Variants in OCA2 observed in about 807,000 individuals in gnomAD.
OCA2 encodes the protein P protein.
Under a neutral mutation model 100.2 loss-of-function variants are expected in OCA2, and 77 were observed. The observed-to-expected ratio is 0.77, with a 90% CI of 0.64 to 0.93. OCA2 has a LOEUF of 0.93. Ranked by LOEUF, OCA2 falls within the 40% of genes least tolerant of loss-of-function variation. The probability of loss-of-function intolerance (pLI) is 0.00; values close to 1 mark genes in which losing one functional copy is unlikely to be tolerated. For missense variants in OCA2, 1,062 were observed against 1,089.1 expected (o/e 0.98, Z 0.35); for synonymous variants, 432 against 439.2 (o/e 0.98, Z 0.21).
intron 23 of OCA2, among the ~76,000 whole-genome samples, chr15:27,795,640 A>G (rs1024259648): frequency 6.6e-6 from 1 of 152,180 alleles, no homozygotes; most frequent in Admixed American, 6.5e-5. Flanking sequence ...GATCTTTTTG[A>G]AACAATTATC....
chr15:27,815,175 G>A (rs1167565453), intron 23 of OCA2, among the ~76,000 whole-genome samples: 2 of 152,060 alleles, frequency 1.3e-5, no homozygotes, highest in African/African-American at 4.8e-5. Context: ...TAAATGGACG[G>A]GGAGAAGCTT....
chr15:27,747,762 T>C, the OCA2 span, among the ~76,000 whole-genome samples: 1 of 152,006 alleles, frequency 6.6e-6, no homozygotes, highest in Admixed American at 6.5e-5. Flanking sequence ...AAAAAATGAG[T>C]ATTCTCGTTT....
At chr15:27,979,142 T>A (rs1416567866) in intron 14 of OCA2, among the ~76,000 whole-genome samples, 3 of 152,258 alleles carry the variant, frequency 2.0e-5, no homozygotes, top group Admixed American at 6.5e-5. Context: ...TTACATGAGC[T>A]ATCCAGCACT....
chr15:27,914,774 A>G (rs2038600588), intron 19 of OCA2, among the ~76,000 whole-genome samples: 1 of 152,226 alleles, frequency 6.6e-6, no homozygotes, highest in Non-Finnish European at 1.5e-5. Flanking sequence ...TATTATTAAA[A>G]TGGCCATAAT....
At chr15:27,934,783 G>C (rs1043978563) in intron 18 of OCA2, among the ~76,000 whole-genome samples, 6 of 152,172 alleles carry the variant, frequency 3.9e-5, no homozygotes, top group Admixed American at 6.5e-5. Context: ...ACTTCAGAAA[G>C]TTTCCATAGT....
chr15:27,751,877 G>A (rs997260919), downstream of OCA2, among the ~76,000 whole-genome samples: 1 of 152,250 alleles, frequency 6.6e-6, no homozygotes, highest in African/African-American at 2.4e-5. Context: ...AGATCTGACT[G>A]TGGAAAACAG....
intron 23 of OCA2, among the ~76,000 whole-genome samples, chr15:27,803,193 CACG>C (rs113148754): frequency 0.34 from 52,221 of 151,698 alleles, 9,990 homozygotes; most frequent in South Asian, 0.56. Context: ...AAGTTTAAAC[CACG>C]ACGAGACAAA....
At chr15:27,950,876 G>A (rs1474317167) in intron 18 of OCA2, among the ~76,000 whole-genome samples, 1 of 152,084 alleles carries the variant, frequency 6.6e-6, no homozygotes, top group African/African-American at 2.4e-5. Context: ...GTGAACCAAG[G>A]TTTTATACAA....
At chr15:27,766,974 C>T (rs2031311330) in intron 23 of OCA2, among the ~76,000 whole-genome samples, 1 of 152,234 alleles carries the variant, frequency 6.6e-6, no homozygotes, top group African/African-American at 2.4e-5. Context: ...AACCTTACGT[C>T]TCCTTCCCTG....
chr15:28,009,902 T>C (rs2042194590), intron 9 of OCA2, among the ~76,000 whole-genome samples: 1 of 152,010 alleles, frequency 6.6e-6, no homozygotes, highest in African/African-American at 2.4e-5. Context: ...ATGTAAGAAT[T>C]AGAGAGAACT....
At chr15:28,045,271 C>T (rs2043314677) in intron 2 of OCA2, among the ~76,000 whole-genome samples, 1 of 152,098 alleles carries the variant, frequency 6.6e-6, no homozygotes, top group African/African-American at 2.4e-5. Context: ...TGATATTATA[C>T]CCATTGCTAG....
chr15:27,796,197 C>G (rs1334713002), intron 23 of OCA2, among the ~76,000 whole-genome samples: 1 of 152,244 alleles, frequency 6.6e-6, no homozygotes, highest in Non-Finnish European at 1.5e-5. Flanking sequence ...TGGAACAACA[C>G]CAAGTCCTGG....
At chr15:27,857,216 A>G (rs1325073769) in intron 21 of OCA2, among the ~76,000 whole-genome samples, 1 of 152,238 alleles carries the variant, frequency 6.6e-6, no homozygotes, top group Admixed American at 6.5e-5. Flanking sequence ...ATCAAATAGA[A>G]ATTCTGGACC....
intron 6 of OCA2, among the ~76,000 whole-genome samples, chr15:28,020,068 C>A (rs1449211102): frequency 6.6e-6 from 1 of 152,138 alleles, no homozygotes; most frequent in Non-Finnish European, 1.5e-5. Flanking sequence ...CTCTCTCTCC[C>A]TCTTCATCCA....
At chr15:27,760,110 T>A (rs1595363867) in intron 23 of OCA2, among the ~76,000 whole-genome samples, 1 of 151,996 alleles carries the variant, frequency 6.6e-6, no homozygotes, top group Non-Finnish European at 1.5e-5. Flanking sequence ...CCAGAAACTA[T>A]CCAAGCATTT....
intron 23 of OCA2, among the ~76,000 whole-genome samples, chr15:27,762,020 A>G (rs2030881636): frequency 1.3e-5 from 2 of 152,332 alleles, no homozygotes; most frequent in Admixed American, 6.5e-5. Context: ...TGCAAAAGTG[A>G]GTCTTTGCAA....
intron 15 of OCA2, among the ~76,000 whole-genome samples, chr15:27,962,466 C>G (rs2040438138): frequency 6.6e-6 from 1 of 152,198 alleles, no homozygotes; most frequent in Non-Finnish European, 1.5e-5. Context: ...TGTGCTCTGA[C>G]ACAGGAGGTG....
intron 23 of OCA2, among the ~76,000 whole-genome samples, chr15:27,833,127 T>A (rs1311385076): frequency 6.6e-6 from 1 of 152,244 alleles, no homozygotes; most frequent in Non-Finnish European, 1.5e-5. Flanking sequence ...GATAAATTCT[T>A]TAGTTACCCC....
intron 8 of OCA2, among the ~76,000 whole-genome samples, chr15:28,015,398 C>T (rs1202724289): frequency 6.6e-6 from 1 of 152,166 alleles, no homozygotes; most frequent in Non-Finnish European, 1.5e-5. Flanking sequence ...GTTTTATGGG[C>T]CGAATTATGT....
Sources: allele counts gnomAD v4.1 joint callset (sites outside exome capture counted in the v4.1 genomes callset), GRCh38; gene constraint gnomAD v4.1.1; transcripts MANE v1.5; gene names NCBI Gene and HGNC (gene_info 2026-07-23, HGNC 2026-07-21).